XAF1: variants seen among roughly 807,000 people sequenced by gnomAD.
The protein encoded by XAF1 is XIAP associated factor 1.
XAF1 carries 32 observed loss-of-function variants against 32.3 expected under a neutral mutation model. The ratio of observed to expected loss-of-function variants is 0.99; its 90% CI spans 0.75 to 1.33. The LOEUF (loss-of-function observed/expected upper bound fraction) is 1.33, where lower values mean the gene tolerates loss of function less well. Ranked by LOEUF, XAF1 falls within the 40% of genes most tolerant of loss-of-function variation. The pLI is 0.00. For synonymous variants in XAF1, 120 were observed against 125.9 expected (o/e 0.95, Z 0.31); for missense variants, 379 against 366.0 (o/e 1.04, Z -0.29).
intron 5 of XAF1, among the ~76,000 whole-genome samples, chr17:6,769,621 G>C (rs1025210601): frequency 1.3e-5 from 2 of 152,122 alleles, no homozygotes; most frequent in African/African-American, 4.8e-5. Flanking sequence ...TTGTGTGTTT[G>C]TAATTTTGGA....
At position 6,773,131 on chromosome 17, in the gene XAF1, G is replaced by C. The variant is rs559850758; in HGVS notation, c.868G>C (p.Ala290Pro). The C allele has an allele frequency of 6.2e-7, 1 of 1,606,514 alleles. No homozygotes were observed. Among genetic ancestry groups the C allele is most frequent in the Non-Finnish European group, 8.5e-7 (1 of 1,177,854 alleles). Reference protein sequence around the residue: ...NQHQEKCRWLASSKGKQVRNF... With the variant: ...NQHQEKCRWLPSSKGKQVRNF... ...TTCTTAGGAGAAATGCCGGTGGTTA[G>C]CTTCATCAAAAGGAAAACAAGTGAG... The change falls in exon 7 of 7, where the codon GCT (alanine) becomes CCT (proline). Residue 290 changes from alanine to proline, a missense_variant. Ala to Pro is a conservative substitution (Grantham distance 27, BLOSUM62 -1). Coordinates refer to ENST00000361842, the MANE Select transcript of XAF1 (RefSeq NM_017523.5).
At chr17:6,762,050 G>T (rs758350595) in intron 4 of XAF1, 105 bp from the exon 5 acceptor site, 12 of 1,579,280 alleles carry the variant, frequency 7.6e-6, no homozygotes, top group Non-Finnish European at 1.0e-5. Flanking sequence ...AGGTCCGGGG[G>T]GCAGTTCGTG....
chr17:6,772,967 G>T, intron 6 of XAF1, 146 bp from the exon 7 acceptor site: 2 of 652,782 alleles, frequency 3.1e-6, no homozygotes, highest in Non-Finnish European at 5.1e-6. Flanking sequence ...GGCTCAGTGG[G>T]CTCCTGACCT....
At chr17:6,766,214 C>T (rs778565107) in intron 5 of XAF1, among the ~76,000 whole-genome samples, 1 of 152,174 alleles carries the variant, frequency 6.6e-6, no homozygotes, top group Non-Finnish European at 1.5e-5. Flanking sequence ...TATTTACCAA[C>T]CCCTTACCTT....
At position 6,773,209 on chromosome 17, in the gene XAF1, A is replaced by G. The variant is rs768025762; in HGVS notation, c.*40A>G. ...AGGTACTACAAATTCAAAAGATTTC[A>G]CTTTTAACACTGGCATTCCTGCCTA... On this transcript the variant is annotated 3_prime_UTR_variant, in exon 7 of 7. Coordinates refer to ENST00000361842, the MANE Select transcript of XAF1 (RefSeq NM_017523.5). 5 of 1,548,420 alleles carry G rather than the reference A, an allele frequency of 3.2e-6. 1 individual carries two copies. In the South Asian group the frequency reaches 4.8e-5, roughly 15 times the overall value.
At chr17:6,756,297 G>GGGTGCC in intron 1 of XAF1, 187 bp downstream of exon 1, 1 of 1,220,362 alleles carries the variant, frequency 8.2e-7, no homozygotes, top group Non-Finnish European at 1.1e-6. Flanking sequence ...GTGGGGGTGG[G>GGGTGCC]CAGCATTACC....
intron 5 of XAF1, among the ~76,000 whole-genome samples, chr17:6,767,865 A>G (rs1392585352): frequency 6.6e-6 from 1 of 152,104 alleles, no homozygotes; most frequent in Non-Finnish European, 1.5e-5. Flanking sequence ...TATCATTTCA[A>G]TAGTTACCCT....
intron 6 of XAF1, among the ~76,000 whole-genome samples, chr17:6,772,615 C>A (rs1232255114): frequency 6.6e-6 from 1 of 151,726 alleles, no homozygotes; most frequent in Non-Finnish European, 1.5e-5. Context: ...GGAGTACAGG[C>A]ACCCGCCACC....
In XAF1 at chr17:6,770,743, C is replaced by T. The variant is rs746977583; in HGVS notation, c.608C>T (p.Thr203Ile). 5.6e-6 allele frequency: 9 copies of T among 1,613,878 alleles called. No individual in the cohort carries two copies. Among genetic ancestry groups the T allele is most frequent in the Admixed American group, 1.7e-5 (1 of 59,958 alleles). Residue 203 changes from threonine to isoleucine, a missense_variant, in exon 6 of 7, where the codon ACT becomes ATT. Coordinates refer to ENST00000361842, the MANE Select transcript of XAF1 (RefSeq NM_017523.5). ...CCAAGTCAAGCTGCTGAAAATCAAACTTCCACGATGGAGAAAGATGTTCGT... is the reference window on the plus strand; with the variant it reads ...CCAAGTCAAGCTGCTGAAAATCAAATTTCCACGATGGAGAAAGATGTTCGT... ...SLPSQAAENQ[T>I]STMEKDVRPK...
rs777544690 is a variant in XAF1 at position 6,758,191 on chromosome 17, C to G, written c.135C>G (p.Thr45=). Residue 45 remains threonine, a synonymous_variant, in exon 2 of 7, where the codon ACC becomes ACG. Transcript: ENST00000361842. ...PECEEPVPKE[T]MEEHCKLEHQ... ...GTGAGGAGCCTGTCCCCAAGGAAAC[C>G]ATGGAGGAGCACTGCAAGCTTGAGC... 15 of 1,614,220 alleles carry G rather than the reference C, an allele frequency of 9.3e-6. No individual in the cohort carries two copies. Among genetic ancestry groups the G allele is most frequent in the Non-Finnish European group, 1.3e-5 (15 of 1,180,040 alleles).
At chr17:6,761,525 AGTT>A in intron 4 of XAF1, among the ~76,000 whole-genome samples, 1 of 152,188 alleles carries the variant, frequency 6.6e-6, no homozygotes, top group Non-Finnish European at 1.5e-5. Flanking sequence ...TGTCTTTGCT[AGTT>A]GTTTTGGTAA....
upstream of XAF1, chr17:6,755,483 T>G: frequency 1.0e-6 from 1 of 987,564 alleles, no homozygotes; most frequent in Non-Finnish European, 1.2e-6. Context: ...GCACAGCTGT[T>G]TCTAGGGTCT....
At chr17:6,771,601 A>G (rs915645974) in intron 6 of XAF1, 3 of 152,346 alleles carry the variant, frequency 2.0e-5, no homozygotes, top group Admixed American at 6.5e-5. Flanking sequence ...CATGCATTTT[A>G]TCTCCATTTT....
Position 6,760,719 on chromosome 17 carries a change from A to G in XAF1, c.421+118A>G, listed in dbSNP as rs113164152. ...GATGACAAGTGTATTTGCTGTATAG[A>G]TCTCAATTCATCTGGCTATTCTAAT... On this transcript the variant is annotated intron_variant, in intron 4 of 6. Transcript: ENST00000361842. The G allele has an allele frequency of 6.8e-4, 684 of 1,006,502 alleles. 5 individuals are homozygous for G. In the African/African-American group the frequency reaches 0.011, roughly 15 times the overall value. The allele number at this position is 1,006,502 out of a possible 1,614,324, so 62.3% of individuals were successfully genotyped here.
intron 5 of XAF1, among the ~76,000 whole-genome samples, chr17:6,763,428 A>G (rs1199047019): frequency 1.3e-5 from 2 of 151,986 alleles, no homozygotes; most frequent in African/African-American, 2.4e-5. Context: ...CCCGGGTTCA[A>G]GCGATTCTCC....
chr17:6,756,761 G>A (rs1167615941), intron 1 of XAF1, among the ~76,000 whole-genome samples: 1 of 152,180 alleles, frequency 6.6e-6, no homozygotes, highest in Non-Finnish European at 1.5e-5. Context: ...GCAGAGGAGA[G>A]AGAGCAGAGG....
In XAF1 at chr17:6,759,670, T is replaced by A; in HGVS notation, c.177T>A (p.Cys59Ter). The stretch of plus-strand genomic sequence containing the variant: ...TGTGTGTGTGTGTTTAGGTTGGGTG[T>A]ACGATGTGTCAGCAGAGCATGCAGA... ...HCKLEHQQVGCTMCQQSMQKS... is the reference protein window; with the variant it reads ...HCKLEHQQVG Residue 59 changes from cysteine to a stop codon, truncating the protein, a stop_gained, in exon 3 of 7, where the codon TGT (cysteine) becomes TGA (stop). Coordinates refer to ENST00000361842, the MANE Select transcript of XAF1 (RefSeq NM_017523.5). LOFTEE classifies it high-confidence loss of function. 1 of 1,613,280 alleles carries A rather than the reference T, an allele frequency of 6.2e-7. No homozygotes were observed. Among genetic ancestry groups the A allele is most frequent in the South Asian group, 1.1e-5 (1 of 91,052 alleles).
intron 4 of XAF1, chr17:6,761,695 AAC>A (rs1260375677): frequency 2.3e-5 from 12 of 516,632 alleles, no homozygotes; most frequent in South Asian, 1.7e-4. Context: ...AACAGAATCA[AAC>A]ACAGTCTTCA....
At position 6,758,125 on chromosome 17, in the gene XAF1, T is replaced by C. The variant is rs764379579; in HGVS notation, c.69T>C (p.His23=). 4.9e-5 allele frequency: 79 copies of C among 1,613,628 alleles called. No individual in the cohort carries two copies. The Admixed American group carries it at 1.1e-3, about 23-fold the overall frequency. Residue 23 remains histidine (H), a synonymous_variant, in exon 2 of 7, where the codon CAT becomes CAC. Transcript: ENST00000361842. The stretch of plus-strand genomic sequence containing the variant: ...TAGTCTCTGCCAACTTCACCCTCCA[T>C]GAGGCTTACTGCCTGCGGTTCCTGG... ...RHVVSANFTL[H]EAYCLRFLVL...
Sources: allele counts gnomAD v4.1 joint callset (sites outside exome capture counted in the v4.1 genomes callset), GRCh38; gene constraint gnomAD v4.1.1; transcripts MANE v1.5; gene names NCBI Gene and HGNC (gene_info 2026-07-23, HGNC 2026-07-21).